The following PCDH15 variants were observed in gnomAD, a reference collection of about 807,000 sequenced individuals.
The protein encoded by PCDH15 is protocadherin related 15.
PCDH15 carries 129 observed loss-of-function variants against 178.5 expected under a neutral mutation model. The ratio of observed to expected loss-of-function variants is 0.72; its 90% CI spans 0.63 to 0.84. The LOEUF is 0.84. PCDH15 is among the 40% of genes least tolerant of loss of function. The pLI is 0.00. For missense variants in PCDH15, 2,230 were observed against 2,099.9 expected (o/e 1.06, Z -1.21); for synonymous variants, 800 against 732.0 (o/e 1.09, Z -1.50).
intron 2 of PCDH15, among the ~76,000 whole-genome samples, chr10:55,079,217 G>C (rs1434994583): frequency 6.6e-6 from 1 of 152,098 alleles, no homozygotes; most frequent in Admixed American, 6.6e-5. Flanking sequence ...TGCACCTGTT[G>C]TAATGCTCAC....
rs929809259 is a variant in PCDH15 at position 54,198,688 on chromosome 10, A to C, written c.1099-2799T>G. Among the ~76,000 whole-genome samples the C allele has an allele frequency of 3.0e-5, 3 of 98,870 alleles. No individual in the cohort carries two copies. The East Asian group carries it at 7.1e-4, about 23-fold the overall frequency. 64.9% of individuals were successfully genotyped at this position (98,870 alleles called of 152,430 possible). A position where few individuals can be genotyped will look rare whatever the true frequency, so the allele number is the denominator to read the frequency against. ...GGCTAATTTTTTGTATTTTTAGTAG[A>C]GACGGGGTTTCACCGTTTTAGCCGG... On this transcript the variant is annotated intron_variant, in intron 10 of 37. Transcript: ENST00000644397.
chr10:55,251,471 C>T (rs1841833844), intron 1 of PCDH15, among the ~76,000 whole-genome samples: 1 of 152,064 alleles, frequency 6.6e-6, no homozygotes, highest in Admixed American at 6.6e-5. Context: ...ATTTAACCTT[C>T]TAGGACTGAT....
intron 2 of PCDH15, among the ~76,000 whole-genome samples, chr10:54,920,253 T>G (rs11004632): frequency 0.013 from 2,044 of 151,988 alleles, 118 homozygotes; most frequent in Admixed American, 0.095. Context: ...GGCAGATCAC[T>G]AGGTCAGGAG....
chr10:54,424,388 G>C (rs1465695589), intron 3 of PCDH15, among the ~76,000 whole-genome samples: 1 of 151,816 alleles, frequency 6.6e-6, no homozygotes, highest in African/African-American at 2.4e-5. Context: ...TGGAGAAATA[G>C]GAACACTTTT....
intron 27 of PCDH15, among the ~76,000 whole-genome samples, chr10:53,857,676 A>T (rs1430474809): frequency 2.0e-5 from 3 of 152,090 alleles, no homozygotes; most frequent in Admixed American, 2.0e-4. Context: ...AGAATCTGAG[A>T]TATGACTGGT....
At chr10:54,939,221 G>T (rs959423574) in intron 2 of PCDH15, among the ~76,000 whole-genome samples, 1 of 151,870 alleles carries the variant, frequency 6.6e-6, no homozygotes, top group Non-Finnish European at 1.5e-5. Flanking sequence ...TAGGCCGGGC[G>T]TGGTGGCTCA....
At chr10:54,814,709 C>T (rs563974086) in intron 3 of PCDH15, among the ~76,000 whole-genome samples, 50 of 152,056 alleles carry the variant, frequency 3.3e-4, no homozygotes, top group Non-Finnish European at 4.0e-4. Flanking sequence ...ACATTAATGC[C>T]TGAGGTTGCA....
chr10:54,602,314 C>T (rs983905920), intron 2 of PCDH15, among the ~76,000 whole-genome samples: 3 of 151,812 alleles, frequency 2.0e-5, no homozygotes, highest in African/African-American at 7.2e-5. Context: ...TTTTTAGCCT[C>T]TACAAATGCC....
At chr10:55,094,714 A>C (rs1362118717) in intron 2 of PCDH15, among the ~76,000 whole-genome samples, 1 of 152,010 alleles carries the variant, frequency 6.6e-6, no homozygotes, top group Non-Finnish European at 1.5e-5. Flanking sequence ...AAACCTAATG[A>C]AGGAATAGAG....
intron 2 of PCDH15, among the ~76,000 whole-genome samples, chr10:55,387,143 A>G (rs1837683503): frequency 6.6e-6 from 1 of 152,146 alleles, no homozygotes; most frequent in African/African-American, 2.4e-5. Context: ...TAATTTCCAA[A>G]TGGCTTCCAA....
chr10:54,887,183 T>C (rs947679090), intron 3 of PCDH15, among the ~76,000 whole-genome samples: 1 of 152,190 alleles, frequency 6.6e-6, no homozygotes, highest in East Asian at 1.9e-4. Flanking sequence ...TCCAATTCTG[T>C]TGAAACATCT....
chr10:54,350,088 G>A (rs746490266), intron 5 of PCDH15, among the ~76,000 whole-genome samples: 51 of 152,070 alleles, frequency 3.4e-4, no homozygotes, highest in Non-Finnish European at 6.8e-4. Flanking sequence ...TTATATAAAG[G>A]TTATGAATCA....
chr10:55,255,681 A>C (rs1373538113), intron 1 of PCDH15, among the ~76,000 whole-genome samples: 1 of 151,978 alleles, frequency 6.6e-6, no homozygotes, highest in Non-Finnish European at 1.5e-5. Context: ...TGTGGTTTTG[A>C]TTTGCATTTC....
chr10:54,161,523 C>T (rs1202568045), intron 13 of PCDH15, among the ~76,000 whole-genome samples: 1 of 152,054 alleles, frequency 6.6e-6, no homozygotes, highest in African/African-American at 2.4e-5. Context: ...TTTACTAAAA[C>T]CAGCCCAACT....
intron 3 of PCDH15, among the ~76,000 whole-genome samples, chr10:54,423,588 C>T (rs886299125): frequency 2.0e-5 from 3 of 151,802 alleles, no homozygotes; most frequent in Middle Eastern, 3.4e-3. Context: ...AACCCTAATC[C>T]GAAGCCAAAA....
chr10:55,228,418 T>C lies in PCDH15; in HGVS notation c.-155-61767A>G, dbSNP rs570456437. Among the ~76,000 whole-genome samples the C allele has an allele frequency of 1.1e-3, 171 of 152,156 alleles. 2 individuals carry two copies. The highest frequency in any genetic ancestry group is 2.0e-3 in the Non-Finnish European group (133 of 68,008). ...AGTATGGGGAATGAATATTCTGTTT[T>C]ACTATAAGCTTCGTAAGGACTGCTT... On this transcript the variant is annotated intron_variant, in intron 1 of 5. Transcript: ENST00000458638.
At position 55,304,998 on chromosome 10, in the gene PCDH15, A is replaced by G. The variant is rs1436888769; in HGVS notation, c.-156+14601T>C. On this transcript the variant is annotated intron_variant, in intron 1 of 5. Transcript: ENST00000458638. ...ACAGATTGTTTTGAAGAATCATAAAACCATAGGGCTTAAGCTCATAGTATT... is the reference window on the plus strand; with the variant it reads ...ACAGATTGTTTTGAAGAATCATAAAGCCATAGGGCTTAAGCTCATAGTATT... 2.6e-5 allele frequency among the ~76,000 whole-genome samples: 4 copies of G among 152,192 alleles called. No homozygotes were observed. The East Asian group carries it at 7.7e-4, about 29-fold the overall frequency.
chr10:53,829,772 T>C (rs1209545436), intron 30 of PCDH15, among the ~76,000 whole-genome samples: 1 of 152,114 alleles, frequency 6.6e-6, no homozygotes, highest in African/African-American at 2.4e-5. Flanking sequence ...AATGGAGTCA[T>C]GCAGCAAGCC....
At chr10:55,520,009 C>T (rs1047113238) in intron 2 of PCDH15, among the ~76,000 whole-genome samples, 3 of 146,288 alleles carry the variant, frequency 2.1e-5, no homozygotes, top group East Asian at 4.0e-4. Context: ...GAAAGAATGA[C>T]ATGTTTATAA....
Sources: allele counts gnomAD v4.1 joint callset (sites outside exome capture counted in the v4.1 genomes callset), GRCh38; gene constraint gnomAD v4.1.1; transcripts MANE v1.5; gene names NCBI Gene and HGNC (gene_info 2026-07-23, HGNC 2026-07-21).